The following TOX variants were observed in gnomAD, a reference collection of about 807,000 sequenced individuals.
TOX encodes the protein thymocyte selection associated high mobility group box, also known as thymocyte selection-associated high mobility group box protein TOX.
Under a neutral mutation model 53.7 loss-of-function variants are expected in TOX, and 11 were observed. The ratio of observed to expected loss-of-function variants is 0.20; its 90% CI spans 0.13 to 0.34. The LOEUF is 0.34. Among genes scored for constraint, TOX ranks in the 10% least tolerant of loss-of-function variants. The pLI, the probability that TOX is intolerant of heterozygous loss-of-function variation, is 1.00. For synonymous variants in TOX, 225 were observed against 245.3 expected (o/e 0.92, Z 0.77); for missense variants, 570 against 664.6 (o/e 0.86, Z 1.56).
chr8:58,815,361 A>C lies in TOX; in HGVS notation c.1369T>G (p.Leu457Val). The change falls in exon 7 of 9, where the codon TTA becomes GTA. Residue 457 changes from leucine to valine, a missense_variant. By Grantham distance (32) the Leu-to-Val change is conservative. Coordinates refer to ENST00000361421, the MANE Select transcript of TOX (RefSeq NM_014729.3). The part of the protein sequence containing the change: ...NQLPMQVQSA[L>V]HSPTMQQGFT... ...ACTTGCTGCATGGTGGGTGAGTGTAAGGCAGACTGGACCTGCATGGGGAGC... is the reference window on the plus strand; with the variant it reads ...ACTTGCTGCATGGTGGGTGAGTGTACGGCAGACTGGACCTGCATGGGGAGC... The C allele has an allele frequency of 6.2e-7, 1 of 1,607,292 alleles. No individual in the cohort carries two copies. Among genetic ancestry groups the C allele is most frequent in the Non-Finnish European group, 8.5e-7 (1 of 1,176,914 alleles).
chr8:58,815,568 T>C lies in TOX; in HGVS notation c.1162A>G (p.Met388Val), dbSNP rs1810161144. 2.5e-6 allele frequency: 4 copies of C among 1,614,128 alleles called. No individual in the cohort carries two copies. The highest frequency in any genetic ancestry group is 1.7e-5 in the Admixed American group (1 of 60,016). Reference protein sequence around the residue: ...QPGMNPHLTAMHPSLPRNIAP... With the variant: ...QPGMNPHLTAVHPSLPRNIAP... ...ATGTTCCTGGGGAGACTAGGATGCA[T>C]GGCAGTTAGGTGAGGATTCATTCCC... Residue 388 changes from methionine to valine, a missense_variant, in exon 7 of 9, where the codon ATG becomes GTG. Coordinates refer to ENST00000361421, the MANE Select transcript of TOX (RefSeq NM_014729.3).
chr8:58,808,098 G>A lies in TOX; in HGVS notation c.1544+20C>T, dbSNP rs1235788345. On this transcript the variant is annotated intron_variant, in intron 8 of 8. Coordinates refer to ENST00000361421, the MANE Select transcript of TOX (RefSeq NM_014729.3). ...CTATGAGCGCTGTCCACCACCAGGTGGCGATGACCGGCCGCTTACCCACTA... is the reference window on the plus strand; with the variant it reads ...CTATGAGCGCTGTCCACCACCAGGTAGCGATGACCGGCCGCTTACCCACTA... 4 of 1,602,734 alleles carry A rather than the reference G, an allele frequency of 2.5e-6. No homozygotes were observed. Among genetic ancestry groups the A allele is most frequent in the Non-Finnish European group, 3.4e-6 (4 of 1,174,932 alleles).
rs2129417166 is a variant in TOX, at chr8:58,987,830, T to C, written c.103-27822A>G. Among the ~76,000 whole-genome samples, 2 of 152,276 alleles carry C rather than the reference T, an allele frequency of 1.3e-5. 1 individual carries two copies. The highest frequency in any genetic ancestry group is 4.2e-4 in the South Asian group (2 of 4,816). On this transcript the variant is annotated intron_variant, in intron 1 of 8. Transcript: ENST00000361421. ...GGCACTGGAAGTGAGGTTGGCAGATTCACCTCTCATCTCATGCACACTCTG... is the reference window on the plus strand; with the variant it reads ...GGCACTGGAAGTGAGGTTGGCAGATCCACCTCTCATCTCATGCACACTCTG...
In TOX at chr8:58,858,018, C is replaced by A. The variant is rs1428027219; in HGVS notation, c.412-6213G>T. 3.9e-5 allele frequency among the ~76,000 whole-genome samples: 6 copies of A among 152,306 alleles called. No individual in the cohort carries two copies. In the South Asian group the frequency reaches 1.0e-3, roughly 26 times the overall value. On this transcript the variant is annotated intron_variant, in intron 3 of 8. Coordinates refer to ENST00000361421, the MANE Select transcript of TOX (RefSeq NM_014729.3). Reference sequence around the variant, plus strand: ...CTCCTGACCTCAGGTGATCCACCCACCTCGGCCTCCCAAAGTGTTGGGATT... The same window carrying A: ...CTCCTGACCTCAGGTGATCCACCCAACTCGGCCTCCCAAAGTGTTGGGATT...
chr8:59,043,141 T>C (rs890883550), intron 1 of TOX, among the ~76,000 whole-genome samples: 4 of 152,034 alleles, frequency 2.6e-5, no homozygotes, highest in Non-Finnish European at 5.9e-5. Context: ...TATCTTAAAG[T>C]ATTCAACTGG....
In TOX at chr8:59,024,791, C is replaced by T. The variant is rs189914938; in HGVS notation, c.103-64783G>A. On this transcript the variant is annotated intron_variant, in intron 1 of 8. Transcript: ENST00000361421. ...AGTGTCTGAGCTCTGGAAAAGCGGC[C>T]GTGTGATTATCCCATACAATTTACA... 8.6e-5 allele frequency among the ~76,000 whole-genome samples: 13 copies of T among 151,992 alleles called. No homozygotes were observed. The East Asian group carries it at 1.7e-3, about 20-fold the overall frequency.
intron 5 of TOX, 87 bp from the exon 6 acceptor site, chr8:58,826,989 A>AC: frequency 1.2e-6 from 1 of 845,118 alleles, no homozygotes; most frequent in Non-Finnish European, 1.8e-6. Flanking sequence ...AACTGCACAC[A>AC]CAAACACACT....
intron 3 of TOX, among the ~76,000 whole-genome samples, chr8:58,870,479 G>A (rs1328643795): frequency 6.6e-6 from 1 of 152,100 alleles, no homozygotes; most frequent in African/African-American, 2.4e-5. Flanking sequence ...AATCGATAGA[G>A]TCAATGCAAT....
intron 1 of TOX, among the ~76,000 whole-genome samples, chr8:59,053,370 G>A (rs1006532496): frequency 2.6e-5 from 4 of 152,110 alleles, no homozygotes; most frequent in Non-Finnish European, 4.4e-5. Flanking sequence ...GTGTCTGCCC[G>A]TGTTCTACGG....
chr8:58,824,869 G>A (rs1239878708), intron 6 of TOX, among the ~76,000 whole-genome samples: 1 of 152,166 alleles, frequency 6.6e-6, no homozygotes, highest in Non-Finnish European at 1.5e-5. Context: ...ATACAAATGG[G>A]GGGTGGGGAA....
chr8:59,056,642 T>C (rs866520801), intron 1 of TOX, among the ~76,000 whole-genome samples: 3 of 152,170 alleles, frequency 2.0e-5, no homozygotes, highest in African/African-American at 7.2e-5. Context: ...TATTCAGTAG[T>C]CTGTGTCATT....
chr8:58,925,789 A>G (rs1333420447), intron 3 of TOX, among the ~76,000 whole-genome samples: 1 of 152,166 alleles, frequency 6.6e-6, no homozygotes, highest in African/African-American at 2.4e-5. Flanking sequence ...TTTTTATTCC[A>G]TCTTTTAAAG....
At chr8:58,839,227 G>A (rs1323942987) in intron 4 of TOX, among the ~76,000 whole-genome samples, 1 of 152,202 alleles carries the variant, frequency 6.6e-6, no homozygotes, top group Non-Finnish European at 1.5e-5. Flanking sequence ...CTATATGGCA[G>A]CCACTAACCA....
rs57380318 is a variant in TOX, at chr8:58,818,783, A to G, written c.1006-3059T>C. ...CATGCTCTTCTCTGCTCTCGGCAGG[A>G]CCCAAACCCTTCCTGAAGTGATGAG... On this transcript the variant is annotated intron_variant, in intron 6 of 8. Coordinates refer to ENST00000361421, the MANE Select transcript of TOX (RefSeq NM_014729.3). Among the ~76,000 whole-genome samples, 2,876 of 152,194 alleles carry G rather than the reference A, an allele frequency of 0.019. 212 individuals carry two copies. The East Asian group carries it at 0.25, about 13-fold the overall frequency.
intron 1 of TOX, among the ~76,000 whole-genome samples, chr8:59,080,693 C>A (rs1804391369): frequency 6.6e-6 from 1 of 152,094 alleles, no homozygotes; most frequent in Non-Finnish European, 1.5e-5. Flanking sequence ...ACAGTGAGTT[C>A]TCACAAGATC....
intron 3 of TOX, among the ~76,000 whole-genome samples, chr8:58,894,523 A>T (rs959301763): frequency 3.3e-5 from 5 of 152,342 alleles, no homozygotes; most frequent in Non-Finnish European, 7.3e-5. Context: ...ATGTATTCTT[A>T]AAAGGCTCAT....
chr8:58,910,929 T>C (rs1811899180), intron 3 of TOX, among the ~76,000 whole-genome samples: 1 of 152,216 alleles, frequency 6.6e-6, no homozygotes, highest in South Asian at 2.1e-4. Flanking sequence ...CTACAGAACA[T>C]GCACCTCGGA....
chr8:59,015,146 C>T (rs1009981372), intron 1 of TOX, among the ~76,000 whole-genome samples: 1 of 152,182 alleles, frequency 6.6e-6, no homozygotes, highest in Non-Finnish European at 1.5e-5. Context: ...GAGCCCTGGA[C>T]GGGACAGCCA....
chr8:58,965,143 T>C (rs970936404), intron 1 of TOX, among the ~76,000 whole-genome samples: 9 of 152,340 alleles, frequency 5.9e-5, no homozygotes, highest in African/African-American at 2.2e-4. Flanking sequence ...AATTTCCATG[T>C]ATTCTCAATT....
Sources: gnomAD v4.1 joint callset for allele counts (sites outside exome capture counted in the v4.1 genomes callset) on GRCh38, gnomAD v4.1.1 for gene constraint, MANE v1.5 for transcripts, NCBI Gene and HGNC (gene_info 2026-07-23, HGNC 2026-07-21) for gene names.